Variants in DNAJB14 observed in about 807,000 individuals in gnomAD.
DNAJB14 encodes the protein DnaJ heat shock protein family (Hsp40) member B14, also known as dnaJ homolog subfamily B member 14.
Under a neutral mutation model 48.4 loss-of-function variants are expected in DNAJB14, and 22 were observed. The observed-to-expected ratio is 0.45, with a 90% CI of 0.32 to 0.65. The LOEUF is 0.65. Ranked by LOEUF, DNAJB14 falls within the 30% of genes least tolerant of loss-of-function variation. DNAJB14 has a pLI of 0.03. For synonymous variants in DNAJB14, 142 were observed against 158.7 expected, an observed-to-expected ratio of 0.89 and a Z score of 0.79; for missense variants, 319 against 458.8, an observed-to-expected ratio of 0.70 and a Z score of 2.78.
chr4:99,933,528 C>G (rs867490620), intron 1 of DNAJB14, among the ~76,000 whole-genome samples: 1 of 151,944 alleles, frequency 6.6e-6, no homozygotes, highest in African/African-American at 2.4e-5. Flanking sequence ...AAACTCCTGA[C>G]TTCAAGTGAT....
At chr4:99,944,842 G>T (rs1230424814) in intron 1 of DNAJB14, among the ~76,000 whole-genome samples, 1 of 152,128 alleles carries the variant, frequency 6.6e-6, no homozygotes, top group Non-Finnish European at 1.5e-5. Context: ...CTCCCAAAGT[G>T]CTGGGATAAC....
chr4:99,934,376 GATAA>G (rs2110219074), intron 1 of DNAJB14, among the ~76,000 whole-genome samples: 2 of 152,118 alleles, frequency 1.3e-5, no homozygotes, highest in East Asian at 3.9e-4. Flanking sequence ...CTCTGAAGAC[GATAA>G]ATACACACCA....
chr4:99,912,820 CATG>C (rs1306820716), intron 3 of DNAJB14, among the ~76,000 whole-genome samples: 2 of 152,120 alleles, frequency 1.3e-5, no homozygotes, highest in Non-Finnish European at 2.9e-5. Flanking sequence ...CATCCATGAA[CATG>C]ATATTTCAGT....
At chr4:99,935,222 A>G (rs1227522945) in intron 1 of DNAJB14, among the ~76,000 whole-genome samples, 2 of 152,244 alleles carry the variant, frequency 1.3e-5, no homozygotes, top group Non-Finnish European at 2.9e-5. Flanking sequence ...AAAATTAAAT[A>G]TCTAGGCAAA....
intron 1 of DNAJB14, 64 bp downstream of exon 1, chr4:99,946,375 G>A (rs1339503542): frequency 4.5e-6 from 7 of 1,552,580 alleles, no homozygotes; most frequent in Non-Finnish European, 6.1e-6. Flanking sequence ...CGAGGTGGGG[G>A]CAGGGGCGGG....
At chr4:99,940,349 T>C (rs1279871885) in intron 1 of DNAJB14, among the ~76,000 whole-genome samples, 1 of 152,160 alleles carries the variant, frequency 6.6e-6, no homozygotes, top group Non-Finnish European at 1.5e-5. Flanking sequence ...TCCCAGCACT[T>C]TGGGAGGCTG....
chr4:99,913,431 T>A (rs1725737372), intron 3 of DNAJB14, among the ~76,000 whole-genome samples: 1 of 152,198 alleles, frequency 6.6e-6, no homozygotes, highest in Admixed American at 6.5e-5. Flanking sequence ...CTGATTAATA[T>A]AATCGTGGGA....
chr4:99,899,156 AG>A lies in DNAJB14; in HGVS notation c.*1871del, dbSNP rs1184346688. The A allele has an allele frequency of 1.3e-5, 2 of 151,882 alleles. No individual in the cohort carries two copies. Among genetic ancestry groups the A allele is most frequent in the Admixed American group, 1.3e-4 (2 of 15,262 alleles). 9.4% of individuals were successfully genotyped at this position (151,882 alleles called of 1,614,324 possible). A position where few individuals can be genotyped will look rare whatever the true frequency, so the allele number is the denominator to read the frequency against. On this transcript the variant is annotated 3_prime_UTR_variant, in exon 8 of 8. Transcript: ENST00000442697. ...ACCTATCTCCTTAAAGCTGGGATTA[AG>A]GGAAAAAGAATCAGTCAACAAGAAG...
intron 3 of DNAJB14, among the ~76,000 whole-genome samples, chr4:99,912,874 G>A (rs547011157): frequency 2.6e-5 from 4 of 152,064 alleles, no homozygotes; most frequent in Admixed American, 2.6e-4. Flanking sequence ...AATCAATATT[G>A]TATAGCTTTC....
chr4:99,913,087 A>AT (rs553067742), intron 3 of DNAJB14, among the ~76,000 whole-genome samples: 1 of 152,128 alleles, frequency 6.6e-6, no homozygotes, highest in African/African-American at 2.4e-5. Context: ...TTTTCTGTAG[A>AT]TTCCTTGGAT....
chr4:99,914,565 G>T (rs1309564306), intron 3 of DNAJB14, among the ~76,000 whole-genome samples: 1 of 151,954 alleles, frequency 6.6e-6, no homozygotes, highest in Non-Finnish European at 1.5e-5. Flanking sequence ...AACGGATGCA[G>T]CACACCAACA....
At chr4:99,923,330 T>C in intron 2 of DNAJB14, 145 bp from the exon 3 acceptor site, 1 of 765,442 alleles carries the variant, frequency 1.3e-6, no homozygotes, top group Non-Finnish European at 1.9e-6. Flanking sequence ...CTTTAAGGAT[T>C]AGTCTGCTTC....
At chr4:99,924,070 A>G (rs1652852324) in intron 2 of DNAJB14, among the ~76,000 whole-genome samples, 1 of 152,178 alleles carries the variant, frequency 6.6e-6, no homozygotes, top group African/African-American at 2.4e-5. Flanking sequence ...TGGAACAGAG[A>G]ACATTACGTA....
At chr4:99,925,495 T>C (rs1726219155) in intron 2 of DNAJB14, 4 of 152,252 alleles carry the variant, frequency 2.6e-5, no homozygotes, top group South Asian at 2.1e-4. Flanking sequence ...TTACTCCTCA[T>C]TTGGTAGATA....
chr4:99,913,543 A>G (rs532760593), intron 3 of DNAJB14, among the ~76,000 whole-genome samples: 2 of 150,282 alleles, frequency 1.3e-5, no homozygotes, highest in East Asian at 2.0e-4. Context: ...GGGGTATATA[A>G]TTCTTTTTAT....
chr4:99,923,913 C>A, intron 2 of DNAJB14: 1 of 979,636 alleles, frequency 1.0e-6, no homozygotes, highest in Admixed American at 6.2e-5. Context: ...AAATATAACA[C>A]GTGACTCAAA....
At chr4:99,906,720 G>A (rs1725481237) in intron 4 of DNAJB14, 109 bp from the exon 5 acceptor site, 2 of 863,892 alleles carry the variant, frequency 2.3e-6, no homozygotes, top group East Asian at 2.7e-5. Context: ...AATAATGCAT[G>A]TGTATTTTCA....
Position 99,938,097 on chromosome 4 carries a change from CAAAAAAAAAAA to C in DNAJB14, c.134-7487_134-7477del, listed in dbSNP as rs59597113. ...ACATGGCGAAACCATGTTAAAAATA[CAAAAAAAAAAA>C]AAAAAAAAAAAAAAAAAAATAGCTG... On this transcript the variant is annotated intron_variant, in intron 1 of 7. Coordinates refer to ENST00000442697, the MANE Select transcript of DNAJB14 (RefSeq NM_001031723.4). Among the ~76,000 whole-genome samples, 53 of 40,978 alleles carry C rather than the reference CAAAAAAAAAAA, an allele frequency of 1.3e-3. 1 individual carries two copies. The South Asian group carries it at 0.014, about 11-fold the overall frequency. The allele number at this position is 40,978 out of a possible 152,430, so 26.9% of individuals were successfully genotyped here. A position where few individuals can be genotyped will look rare whatever the true frequency, so the allele number is the denominator to read the frequency against.
chr4:99,915,969 A>G (rs1445842685), intron 3 of DNAJB14, among the ~76,000 whole-genome samples: 2 of 152,180 alleles, frequency 1.3e-5, no homozygotes, highest in Non-Finnish European at 2.9e-5. Flanking sequence ...GTATGTGTTC[A>G]TAATGTACTT....
Sources: gnomAD v4.1 joint callset for allele counts (sites outside exome capture counted in the v4.1 genomes callset) on GRCh38, gnomAD v4.1.1 for gene constraint, MANE v1.5 for transcripts, NCBI Gene and HGNC (gene_info 2026-07-23, HGNC 2026-07-21) for gene names.